The following ANKS1B variants were observed in gnomAD, a reference collection of about 807,000 sequenced individuals.
ANKS1B encodes the protein ankyrin repeat and sterile alpha motif domain-containing protein 1B.
ANKS1B carries 36 observed loss-of-function variants against 148.3 expected under a neutral mutation model. The observed-to-expected ratio is 0.24, with a 90% CI of 0.19 to 0.32. The LOEUF is 0.32. Among genes scored for constraint, ANKS1B ranks in the 10% least tolerant of loss-of-function variants. ANKS1B has a pLI of 1.00. For synonymous variants in ANKS1B, 542 were observed against 560.8 expected (o/e 0.97, Z 0.47); for missense variants, 1,157 against 1,542.6 (o/e 0.75, Z 4.19).
chr12:99,169,732 T>G (rs2153835889), intron 14 of ANKS1B, among the ~76,000 whole-genome samples: 1 of 152,328 alleles, frequency 6.6e-6, no homozygotes, highest in South Asian at 2.1e-4. Context: ...TCACTTTATT[T>G]TACAGTAAAC....
rs562514246 is a variant in ANKS1B, at chr12:99,000,273, T to C, written c.2778+52884A>G. Among the ~76,000 whole-genome samples the C allele has an allele frequency of 2.4e-4, 35 of 145,058 alleles. 2 individuals are homozygous for C. In the East Asian group the frequency reaches 5.5e-3, roughly 23 times the overall value. ...TTCTTTTCTTTTTCTTTTTCCTTTTTTTTTTTTTTTTTTTGAGATGGAGTT... is the reference window on the plus strand; with the variant it reads ...TTCTTTTCTTTTTCTTTTTCCTTTTCTTTTTTTTTTTTTTGAGATGGAGTT... On this transcript the variant is annotated intron_variant, in intron 17 of 26. Transcript: ENST00000683438.
At chr12:99,821,313 T>G (rs545814996) in intron 2 of ANKS1B, among the ~76,000 whole-genome samples, 8 of 152,062 alleles carry the variant, frequency 5.3e-5, no homozygotes, top group African/African-American at 1.9e-4. Context: ...AAAGAAAAGA[T>G]AAATGAGATC....
intron 17 of ANKS1B, among the ~76,000 whole-genome samples, chr12:98,958,592 C>G (rs182920193): frequency 6.6e-6 from 1 of 152,182 alleles, no homozygotes; most frequent in African/African-American, 2.4e-5. Context: ...ATACACATAC[C>G]TAAACATTAT....
intron 17 of ANKS1B, among the ~76,000 whole-genome samples, chr12:98,929,143 A>G (rs2152953209): frequency 6.6e-6 from 1 of 152,198 alleles, no homozygotes; most frequent in Non-Finnish European, 1.5e-5. Flanking sequence ...TTGACAATGA[A>G]CAATTTGGAA....
At chr12:99,800,441 CAAAA>C (rs138056927) in intron 4 of ANKS1B, among the ~76,000 whole-genome samples, 3 of 86,750 alleles carry the variant, frequency 3.5e-5, no homozygotes, top group African/African-American at 4.3e-5. Context: ...ATACAGAAGC[CAAAA>C]AAAAAAAAAA....
chr12:99,476,739 T>C (rs1364420647), intron 10 of ANKS1B, among the ~76,000 whole-genome samples: 1 of 152,170 alleles, frequency 6.6e-6, no homozygotes, highest in East Asian at 1.9e-4. Context: ...TGTAACAAAT[T>C]ACCCCAAAAC....
chr12:99,673,235 T>A (rs943539062), intron 8 of ANKS1B, among the ~76,000 whole-genome samples: 1 of 152,050 alleles, frequency 6.6e-6, no homozygotes, highest in African/African-American at 2.4e-5. Context: ...TGGAAAATAA[T>A]CATATCAAGA....
chr12:99,433,822 G>A (rs1216753063), intron 11 of ANKS1B, among the ~76,000 whole-genome samples: 2 of 152,088 alleles, frequency 1.3e-5, no homozygotes, highest in Non-Finnish European at 2.9e-5. Context: ...TAGGTCTGAG[G>A]ATGATCCTTG....
chr12:98,812,602 T>C (rs1444786376), intron 19 of ANKS1B, among the ~76,000 whole-genome samples: 1 of 152,194 alleles, frequency 6.6e-6, no homozygotes, highest in Non-Finnish European at 1.5e-5. Flanking sequence ...ACACAGAACC[T>C]TTGCTCTGTT....
chr12:99,027,978 T>C (rs2099949753), intron 17 of ANKS1B, among the ~76,000 whole-genome samples: 1 of 152,240 alleles, frequency 6.6e-6, no homozygotes, highest in Non-Finnish European at 1.5e-5. Flanking sequence ...ACAAATATTT[T>C]TGCAGAATAA....
chr12:99,296,289 A>G (rs2080864243), intron 12 of ANKS1B, among the ~76,000 whole-genome samples: 1 of 152,128 alleles, frequency 6.6e-6, no homozygotes. Context: ...TTTTCTTCAA[A>G]GTTGTTTTTA....
At chr12:99,696,371 A>T (rs2053917513) in intron 8 of ANKS1B, among the ~76,000 whole-genome samples, 1 of 152,194 alleles carries the variant, frequency 6.6e-6, no homozygotes, top group Non-Finnish European at 1.5e-5. Flanking sequence ...ACAGTGTGGT[A>T]TTGGTGAAAG....
At chr12:99,248,042 T>C (rs1459285644) in intron 12 of ANKS1B, among the ~76,000 whole-genome samples, 2 of 152,218 alleles carry the variant, frequency 1.3e-5, no homozygotes, top group East Asian at 3.8e-4. Context: ...TACTAGGCAC[T>C]GAATGAGGAA....
At chr12:99,195,103 T>C (rs925888648) in intron 14 of ANKS1B, among the ~76,000 whole-genome samples, 1 of 152,176 alleles carries the variant, frequency 6.6e-6, no homozygotes, top group Non-Finnish European at 1.5e-5. Flanking sequence ...GTTTAACTGA[T>C]GTACTTTATT....
At chr12:98,808,259 A>G (rs1268510440) in intron 19 of ANKS1B, among the ~76,000 whole-genome samples, 1 of 152,176 alleles carries the variant, frequency 6.6e-6, no homozygotes, top group African/African-American at 2.4e-5. Context: ...GAGGATAAAT[A>G]TTTTCATCAA....
At chr12:99,883,141 T>C (rs1565921123) in intron 1 of ANKS1B, among the ~76,000 whole-genome samples, 1 of 152,172 alleles carries the variant, frequency 6.6e-6, no homozygotes, top group Non-Finnish European at 1.5e-5. Flanking sequence ...CCCTGAGTCA[T>C]TTAGAGTATG....
intron 15 of ANKS1B, among the ~76,000 whole-genome samples, chr12:99,129,872 A>C (rs1473672903): frequency 6.6e-6 from 1 of 152,238 alleles, no homozygotes; most frequent in Non-Finnish European, 1.5e-5. Flanking sequence ...ATTGTATCAA[A>C]AAATGATAAG....
At position 99,387,110 on chromosome 12, in the gene ANKS1B, G is replaced by A. The variant is rs555493002; in HGVS notation, c.1756+12521C>T. 2.6e-5 allele frequency among the ~76,000 whole-genome samples: 4 copies of A among 152,312 alleles called. No individual in the cohort carries two copies. In the South Asian group the frequency reaches 8.3e-4, roughly 32 times the overall value. On this transcript the variant is annotated intron_variant, in intron 12 of 26. Transcript: ENST00000683438. ...GTAAGAGATGCAATAGTCGAAGCATGTGAAGAACGCTAGGGGGAGTATGGA... is the reference window on the plus strand; with the variant it reads ...GTAAGAGATGCAATAGTCGAAGCATATGAAGAACGCTAGGGGGAGTATGGA...
chr12:99,885,667 T>C (rs1360870214), intron 1 of ANKS1B, among the ~76,000 whole-genome samples: 1 of 152,058 alleles, frequency 6.6e-6, no homozygotes, highest in Non-Finnish European at 1.5e-5. Flanking sequence ...AATTTTGTAG[T>C]GGTGAAGTCT....
Sources: gnomAD v4.1 joint callset for allele counts (sites outside exome capture counted in the v4.1 genomes callset) on GRCh38, gnomAD v4.1.1 for gene constraint, MANE v1.5 for transcripts, NCBI Gene and HGNC (gene_info 2026-07-23, HGNC 2026-07-21) for gene names.